ARHGAP39: variants seen among roughly 807,000 people sequenced by gnomAD.
The protein encoded by ARHGAP39 is Rho GTPase activating protein 39, also known as rho GTPase-activating protein 39.
In ARHGAP39, 44 loss-of-function variants were observed where a neutral mutation model predicts 106.9. The ratio of observed to expected loss-of-function variants is 0.41; its 90% CI spans 0.32 to 0.53. The LOEUF (loss-of-function observed/expected upper bound fraction) is 0.53. Ranked by LOEUF, ARHGAP39 falls within the 20% of genes least tolerant of loss-of-function variation. The pLI is 0.21. For missense variants in ARHGAP39, 1,496 were observed against 1,577.3 expected, an observed-to-expected ratio of 0.95 and a Z score of 0.87; for synonymous variants, 768 against 693.2, an observed-to-expected ratio of 1.11 and a Z score of -1.69.
intron 3 of ARHGAP39, among the ~76,000 whole-genome samples, chr8:144,571,372 G>A (rs997245851): frequency 1.3e-5 from 2 of 152,068 alleles, no homozygotes; most frequent in East Asian, 1.9e-4. Context: ...CAGAACAATC[G>A]ACAAAACCTA....
At chr8:144,607,070 A>G (rs1820319565) in intron 1 of ARHGAP39, among the ~76,000 whole-genome samples, 1 of 151,646 alleles carries the variant, frequency 6.6e-6, no homozygotes, top group Non-Finnish European at 1.5e-5. Flanking sequence ...GTGTGTGTGT[A>G]ATCTGACAAA....
intron 1 of ARHGAP39, among the ~76,000 whole-genome samples, chr8:144,632,548 C>T (rs1484387149): frequency 2.0e-5 from 3 of 152,230 alleles, no homozygotes; most frequent in South Asian, 2.1e-4. Context: ...AGGGCAGAGC[C>T]GGGTCTGGGC....
intron 1 of ARHGAP39, among the ~76,000 whole-genome samples, chr8:144,617,312 G>C (rs1820661944): frequency 6.6e-6 from 1 of 152,134 alleles, no homozygotes; most frequent in East Asian, 1.9e-4. Context: ...GTCTCAAAGG[G>C]CTTCTCACCT....
chr8:144,620,702 C>T (rs1239364856), intron 1 of ARHGAP39, among the ~76,000 whole-genome samples: 2 of 152,242 alleles, frequency 1.3e-5, no homozygotes, highest in African/African-American at 4.8e-5. Flanking sequence ...AATTCAGGTC[C>T]AGACCGCCCT....
intron 1 of ARHGAP39, among the ~76,000 whole-genome samples, chr8:144,676,322 T>A (rs1424347114): frequency 6.6e-6 from 1 of 152,090 alleles, no homozygotes; most frequent in Non-Finnish European, 1.5e-5. Flanking sequence ...GCATTTACAA[T>A]ACTTTAGCTA....
the ARHGAP39 span, among the ~76,000 whole-genome samples, chr8:144,698,354 G>A: frequency 6.6e-6 from 1 of 152,178 alleles, no homozygotes; most frequent in African/African-American, 2.4e-5. Context: ...GCAGAACTGT[G>A]AGCCAAATAA....
At chr8:144,618,669 C>A (rs969638416) in intron 1 of ARHGAP39, among the ~76,000 whole-genome samples, 1 of 152,190 alleles carries the variant, frequency 6.6e-6, no homozygotes, top group African/African-American at 2.4e-5. Flanking sequence ...CTGCCGCCTG[C>A]TCAGCTGGGA....
chr8:144,562,684 G>A (rs1564849726), intron 3 of ARHGAP39, among the ~76,000 whole-genome samples: 1 of 151,106 alleles, frequency 6.6e-6, no homozygotes, highest in African/African-American at 2.4e-5. Context: ...ACTCACTCCA[G>A]TGGTTTCCAT....
intron 1 of ARHGAP39, among the ~76,000 whole-genome samples, chr8:144,616,495 C>T (rs752209725): frequency 1.3e-5 from 2 of 152,308 alleles, no homozygotes; most frequent in East Asian, 3.9e-4. Flanking sequence ...CCTAGGAGGC[C>T]GCCTGGTCAA....
chr8:144,696,292 C>T, the ARHGAP39 span, among the ~76,000 whole-genome samples: 1 of 150,152 alleles, frequency 6.7e-6, no homozygotes, highest in Admixed American at 6.6e-5. Context: ...GTACGTACGA[C>T]CACACTTGGT....
chr8:144,602,155 G>GCA (rs1820015838), intron 2 of ARHGAP39, among the ~76,000 whole-genome samples: 4 of 145,466 alleles, frequency 2.7e-5, no homozygotes, highest in Admixed American at 6.9e-5. Context: ...GTACCTGTGT[G>GCA]TGTGTGCGTG....
intron 4 of ARHGAP39, among the ~76,000 whole-genome samples, chr8:144,554,952 C>G (rs1471189204): frequency 1.3e-5 from 2 of 152,250 alleles, no homozygotes; most frequent in Non-Finnish European, 2.9e-5. Flanking sequence ...ACACCCACCC[C>G]CCTACAGAAA....
chr8:144,650,423 C>A (rs1386210716), intron 1 of ARHGAP39, among the ~76,000 whole-genome samples: 3 of 152,084 alleles, frequency 2.0e-5, no homozygotes, highest in African/African-American at 7.2e-5. Context: ...CATCCTGATA[C>A]CAAAACCTGG....
chr8:144,556,926 G>C (rs1817945649), intron 3 of ARHGAP39, among the ~76,000 whole-genome samples: 1 of 136,592 alleles, frequency 7.3e-6, no homozygotes, highest in African/African-American at 3.3e-5. Flanking sequence ...AACCTTCATA[G>C]TATTCAGAGG....
In ARHGAP39 at chr8:144,580,849, C is replaced by A. The variant is rs1190683122; in HGVS notation, c.509G>T (p.Gly170Val). 6.5e-7 allele frequency: 1 copy of A among 1,550,364 alleles called. No homozygotes were observed. Among genetic ancestry groups the A allele is most frequent in the South Asian group, 1.2e-5 (1 of 82,816 alleles). ...TAGCAGCTGCCCCCGCCCTCACCTG[C>A]CGCTGTCCTCCTTCACTGTCCCAAA... ...AAFGTVKEDS[G>V]SSSPPGVFLE... The change falls in exon 3 of 12, where the codon GGC becomes GTC. Residue 170 changes from glycine to valine, a missense_variant. Coordinates refer to ENST00000377307, the MANE Select transcript of ARHGAP39 (RefSeq NM_025251.3).
At chr8:144,648,338 A>G (rs749962593) in intron 1 of ARHGAP39, among the ~76,000 whole-genome samples, 2 of 152,172 alleles carry the variant, frequency 1.3e-5, no homozygotes, top group Non-Finnish European at 2.9e-5. Flanking sequence ...GATCATATAC[A>G]ACTATTTTAG....
intron 2 of ARHGAP39, 92 bp from the exon 3 acceptor site, chr8:144,581,369 G>C: frequency 7.6e-7 from 1 of 1,316,692 alleles, no homozygotes; most frequent in Non-Finnish European, 1.0e-6. Context: ...CCCCAGCTGC[G>C]AAACCCAGAA....
intron 1 of ARHGAP39, among the ~76,000 whole-genome samples, chr8:144,662,714 C>G (rs1186785648): frequency 6.7e-6 from 1 of 149,834 alleles, no homozygotes; most frequent in Non-Finnish European, 1.5e-5. Flanking sequence ...CACCTTGGGC[C>G]ATTACCCGCC....
chr8:144,641,818 G>A lies in ARHGAP39; in HGVS notation c.-81-36123C>T, dbSNP rs1462597673. On this transcript the variant is annotated intron_variant, in intron 1 of 11. Coordinates refer to ENST00000377307, the MANE Select transcript of ARHGAP39 (RefSeq NM_025251.3). This position sits in a 1 kb window ranked among gnomAD's most constrained non-coding sequence, Gnocchi z 5.2. The stretch of plus-strand genomic sequence containing the variant: ...ATTTACCCATCATGCAAGGAGAGGG[G>A]GACATCCCATCACAGTGCAGCCACG... Among the ~76,000 whole-genome samples, 1 of 152,208 alleles carries A rather than the reference G, an allele frequency of 6.6e-6. No individual in the cohort carries two copies. Among genetic ancestry groups the A allele is most frequent in the African/African-American group, 2.4e-5 (1 of 41,452 alleles).
Sources: gnomAD v4.1 joint callset for allele counts (sites outside exome capture counted in the v4.1 genomes callset) on GRCh38, gnomAD v4.1.1 for gene constraint, Gnocchi (gnomAD v3.1) non-coding constraint, MANE v1.5 for transcripts, NCBI Gene and HGNC (gene_info 2026-07-23, HGNC 2026-07-21) for gene names.